The following AGBL4 variants were observed in gnomAD, a reference collection of about 807,000 sequenced individuals.
AGBL4 encodes AGBL carboxypeptidase 4.
Under a neutral mutation model 66.4 loss-of-function variants are expected in AGBL4, and 58 were observed. The observed-to-expected ratio is 0.87, with a 90% CI of 0.71 to 1.09. The LOEUF (loss-of-function observed/expected upper bound fraction) is 1.09, where lower values mean the gene tolerates loss of function less well. Among genes scored for constraint, AGBL4 ranks in the 50% least tolerant of loss-of-function variants. AGBL4 has a pLI of 0.00. For synonymous variants in AGBL4, 234 were observed against 222.9 expected (o/e 1.05, Z -0.44); for missense variants, 579 against 631.0 (o/e 0.92, Z 0.88).
At chr1:48,604,290 G>A (rs892656715) in intron 9 of AGBL4, among the ~76,000 whole-genome samples, 1 of 152,130 alleles carries the variant, frequency 6.6e-6, no homozygotes, top group African/African-American at 2.4e-5. Context: ...TGGATTGAGG[G>A]GGGGCATCCA....
chr1:48,891,293 T>G (rs1164126011), intron 5 of AGBL4, among the ~76,000 whole-genome samples: 1 of 152,130 alleles, frequency 6.6e-6, no homozygotes, highest in African/African-American at 2.4e-5. Flanking sequence ...CAAGACTTTT[T>G]AGCTTGTGCT....
chr1:49,404,958 C>T (rs1250908225), intron 3 of AGBL4, among the ~76,000 whole-genome samples: 1 of 152,192 alleles, frequency 6.6e-6, no homozygotes, highest in Non-Finnish European at 1.5e-5. Flanking sequence ...GTGGCTCCTG[C>T]CACAGGAGTT....
Position 49,206,104 on chromosome 1 carries a change from T to C in AGBL4, c.377+39666A>G, listed in dbSNP as rs374686362. ...AATACAGGTCAAGTTTAGAAAAGTT[T>C]CAAAATCACTTCAGTACCTCAGTTG... On this transcript the variant is annotated intron_variant, in intron 4 of 13. Transcript: ENST00000371839. 3.4e-4 allele frequency among the ~76,000 whole-genome samples: 52 copies of C among 152,240 alleles called. 1 individual carries two copies. The South Asian group carries it at 9.5e-3, about 28-fold the overall frequency.
At chr1:49,592,385 A>G (rs949044703) in intron 3 of AGBL4, among the ~76,000 whole-genome samples, 6 of 152,232 alleles carry the variant, frequency 3.9e-5, no homozygotes, top group African/African-American at 1.2e-4. Context: ...AGCCTTGCCA[A>G]CATGGCGAAA....
At chr1:48,664,643 C>A (rs1476523335) in intron 6 of AGBL4, among the ~76,000 whole-genome samples, 1 of 152,188 alleles carries the variant, frequency 6.6e-6, no homozygotes. Flanking sequence ...AATGATTAGA[C>A]ATGCAGAAAA....
intron 4 of AGBL4, among the ~76,000 whole-genome samples, chr1:49,074,005 T>C (rs1399467020): frequency 1.3e-5 from 2 of 152,150 alleles, no homozygotes; most frequent in African/African-American, 4.8e-5. Context: ...TCTGCCCAGT[T>C]TGAACTTCCC....
intron 2 of AGBL4, among the ~76,000 whole-genome samples, chr1:49,758,489 A>T (rs532811701): frequency 6.6e-6 from 1 of 152,146 alleles, no homozygotes; most frequent in East Asian, 1.9e-4. Flanking sequence ...CTATGAAGGA[A>T]CTGCCCAGGG....
chr1:49,190,405 G>A (rs1570000377), intron 4 of AGBL4, among the ~76,000 whole-genome samples: 2 of 152,186 alleles, frequency 1.3e-5, no homozygotes, highest in East Asian at 3.9e-4. Flanking sequence ...GAAGGGAAAA[G>A]GCTTGGATCT....
At chr1:49,153,074 G>A (rs1277632702) in intron 4 of AGBL4, among the ~76,000 whole-genome samples, 1 of 152,124 alleles carries the variant, frequency 6.6e-6, no homozygotes. Flanking sequence ...TAGAGTCATA[G>A]GAGATTAAGG....
chr1:49,710,760 A>C (rs143007199), intron 2 of AGBL4, among the ~76,000 whole-genome samples: 1 of 151,914 alleles, frequency 6.6e-6, no homozygotes, highest in African/African-American at 2.4e-5. Context: ...AAATCACTTT[A>C]CCTCTTTAGT....
At chr1:48,682,849 G>A (rs946955227) in intron 6 of AGBL4, among the ~76,000 whole-genome samples, 8 of 152,188 alleles carry the variant, frequency 5.3e-5, no homozygotes, top group Non-Finnish European at 1.2e-4. Flanking sequence ...TAGGATATGA[G>A]GATCACAACC....
chr1:48,713,427 G>C (rs932828717), intron 6 of AGBL4, among the ~76,000 whole-genome samples: 3 of 152,190 alleles, frequency 2.0e-5, no homozygotes, highest in Non-Finnish European at 4.4e-5. Context: ...GTTCATTAGT[G>C]GTGGAAAAGG....
chr1:48,867,311 A>T, intron 5 of AGBL4, 81 bp from the exon 6 acceptor site: 1 of 1,398,544 alleles, frequency 7.2e-7, no homozygotes. Flanking sequence ...CGGACAAGCA[A>T]AGAGGATGTT....
intron 1 of AGBL4, among the ~76,000 whole-genome samples, chr1:49,917,570 C>A (rs372916989): frequency 6.6e-6 from 1 of 152,144 alleles, no homozygotes; most frequent in African/African-American, 2.4e-5. Context: ...ACAGGAGCAC[C>A]AAGATTCATA....
At chr1:49,680,049 CT>C (rs61150148) in intron 3 of AGBL4, among the ~76,000 whole-genome samples, 8,135 of 117,962 alleles carry the variant, frequency 0.069, 150 homozygotes, top group Non-Finnish European at 0.1. Flanking sequence ...TTCTTCTTCC[CT>C]TTTTTTTTTT....
At chr1:49,907,471 T>C (rs1650385536) in intron 1 of AGBL4, among the ~76,000 whole-genome samples, 1 of 152,194 alleles carries the variant, frequency 6.6e-6, no homozygotes, top group Non-Finnish European at 1.5e-5. Flanking sequence ...CTTTCATATA[T>C]ATTATTTCCA....
intron 1 of AGBL4, among the ~76,000 whole-genome samples, chr1:49,919,131 C>T (rs1201364524): frequency 1.1e-4 from 16 of 152,128 alleles, no homozygotes; most frequent in Non-Finnish European, 4.4e-5. Context: ...CAATATCATA[C>T]TCAATGGACA....
chr1:48,538,945 T>C (rs1557770579), intron 12 of AGBL4, among the ~76,000 whole-genome samples: 1 of 152,084 alleles, frequency 6.6e-6, no homozygotes, highest in Non-Finnish European at 1.5e-5. Context: ...GGCCAGCACA[T>C]TCCAGATGCC....
At chr1:48,534,523 A>T (rs766949913) in intron 13 of AGBL4, among the ~76,000 whole-genome samples, 2 of 152,188 alleles carry the variant, frequency 1.3e-5, no homozygotes, top group Non-Finnish European at 2.9e-5. Context: ...ACTACACAAA[A>T]CAATAACTAT....
Sources: allele counts gnomAD v4.1 joint callset (sites outside exome capture counted in the v4.1 genomes callset), GRCh38; gene constraint gnomAD v4.1.1; transcripts MANE v1.5; gene names NCBI Gene and HGNC (gene_info 2026-07-23, HGNC 2026-07-21).